Variants in AHCTF1 observed in about 807,000 individuals in gnomAD.
The protein encoded by AHCTF1 is protein ELYS.
A neutral mutation model predicts 248.4 loss-of-function variants in AHCTF1; 24 were observed. The observed-to-expected ratio is 0.10, with a 90% CI of 0.07 to 0.14. The LOEUF (loss-of-function observed/expected upper bound fraction) is 0.14, where lower values mean the gene tolerates loss of function less well. AHCTF1 is among the 10% of genes least tolerant of loss of function. The pLI is 1.00. For missense variants in AHCTF1, 2,206 were observed against 2,636.2 expected (o/e 0.84, Z 3.57); for synonymous variants, 786 against 929.8 (o/e 0.85, Z 2.81).
At chr1:246,851,847 C>G in intron 32 of AHCTF1, 1 of 167,380 alleles carries the variant, frequency 6.0e-6, no homozygotes, top group South Asian at 1.6e-4. Context: ...AATTACCTAA[C>G]TATCCACACT....
chr1:246,897,919 C>T (rs373852389), intron 12 of AHCTF1, among the ~76,000 whole-genome samples: 3,723 of 83,090 alleles, frequency 0.045, 173 homozygotes, highest in African/African-American at 0.16. Flanking sequence ...GTTGAGGCTA[C>T]AGTGAGCCAT....
intron 29 of AHCTF1, among the ~76,000 whole-genome samples, chr1:246,860,178 T>G (rs1418108518): frequency 6.8e-5 from 3 of 44,192 alleles, no homozygotes; most frequent in African/African-American, 5.0e-4. Context: ...AAGAACTGCT[T>G]GAACCTGGTT....
intron 4 of AHCTF1, among the ~76,000 whole-genome samples, chr1:246,910,448 G>A (rs945147144): frequency 6.6e-6 from 1 of 152,162 alleles, no homozygotes; most frequent in African/African-American, 2.4e-5. Context: ...TTATGATTAT[G>A]TAATAAAATA....
At chr1:246,906,484 A>C (rs1665401910) in intron 5 of AHCTF1, among the ~76,000 whole-genome samples, 2 of 152,080 alleles carry the variant, frequency 1.3e-5, no homozygotes, top group South Asian at 2.1e-4. Flanking sequence ...TGGGAGGCTG[A>C]GGCAGGAGAA....
At chr1:246,869,694 A>G (rs1206475022) in intron 24 of AHCTF1, among the ~76,000 whole-genome samples, 3 of 151,942 alleles carry the variant, frequency 2.0e-5, no homozygotes, top group East Asian at 3.9e-4. Context: ...TTTTAAGCCT[A>G]CTGTTGAGAA....
intron 29 of AHCTF1, among the ~76,000 whole-genome samples, chr1:246,860,655 C>T (rs1000507823): frequency 1.3e-5 from 2 of 152,144 alleles, no homozygotes; most frequent in African/African-American, 4.8e-5. Flanking sequence ...AACACTCCCA[C>T]CATGCCTGGC....
At chr1:246,871,592 C>CT (rs1289728675) in intron 24 of AHCTF1, among the ~76,000 whole-genome samples, 1 of 152,170 alleles carries the variant, frequency 6.6e-6, no homozygotes, top group Non-Finnish European at 1.5e-5. Flanking sequence ...GTTAAAGAGG[C>CT]TAACAGCCTA....
At chr1:246,880,030 G>C (rs1663278242) in intron 21 of AHCTF1, among the ~76,000 whole-genome samples, 1 of 151,948 alleles carries the variant, frequency 6.6e-6, no homozygotes, top group Non-Finnish European at 1.5e-5. Context: ...TTGTTAAAAG[G>C]GTTTAGTGGG....
At chr1:246,861,822 T>C (rs1661574944) in intron 28 of AHCTF1, 137 bp downstream of exon 28, 6 of 776,000 alleles carry the variant, frequency 7.7e-6, no homozygotes, top group Non-Finnish European at 1.0e-5. Context: ...CCTTTTCTTA[T>C]TTCATTACTA....
intron 1 of AHCTF1, among the ~76,000 whole-genome samples, chr1:246,927,500 ATAT>A: frequency 6.6e-6 from 1 of 152,230 alleles, no homozygotes; most frequent in East Asian, 1.9e-4. Context: ...AAGAAAAACT[ATAT>A]TATTAGAAAG....
intron 8 of AHCTF1, among the ~76,000 whole-genome samples, chr1:246,901,978 T>G (rs1779965): frequency 0.043 from 6,579 of 152,336 alleles, 486 homozygotes; most frequent in African/African-American, 0.15. Context: ...AAGTTCGCTG[T>G]GTGATTTAAT....
At chr1:246,845,510 A>G (rs1660193008) in intron 33 of AHCTF1, among the ~76,000 whole-genome samples, 1 of 152,258 alleles carries the variant, frequency 6.6e-6, no homozygotes, top group Admixed American at 6.5e-5. Flanking sequence ...AAGTATTTCT[A>G]CGAAAATTAT....
At chr1:246,896,499 G>A (rs546544557) in intron 12 of AHCTF1, among the ~76,000 whole-genome samples, 1 of 152,216 alleles carries the variant, frequency 6.6e-6, no homozygotes, top group African/African-American at 2.4e-5. Flanking sequence ...GTCTAGAATA[G>A]GTCAATCTAT....
chr1:246,860,259 C>T (rs752725201), intron 29 of AHCTF1, among the ~76,000 whole-genome samples: 1 of 152,084 alleles, frequency 6.6e-6, no homozygotes, highest in Non-Finnish European at 1.5e-5. Context: ...CAGAGTGAGA[C>T]TCTGTCTCAA....
rs1661577589 is a variant in AHCTF1 at position 246,861,858 on chromosome 1, AT to A, written c.3735+100del. On this transcript the variant is annotated intron_variant, in intron 28 of 35. Coordinates refer to ENST00000648844, the MANE Select transcript of AHCTF1 (RefSeq NM_001323342.2). The stretch of plus-strand genomic sequence containing the variant: ...GCTACAAGATTATATACAAAAATCT[AT>A]AGTGGTATTTAAAAACTTGATTTAT... 1.4e-5 allele frequency: 13 copies of A among 959,398 alleles called. 1 individual carries two copies. In the South Asian group the frequency reaches 1.9e-4, roughly 14 times the overall value. 59.4% of individuals were successfully genotyped at this position (959,398 alleles called of 1,614,324 possible).
Position 246,855,787 on chromosome 1 carries a change from C to G in AHCTF1, c.4297G>C (p.Glu1433Gln). The stretch of plus-strand genomic sequence containing the variant: ...TAGGTTTCAACAGATGTTAATCCTT[C>G]GTCCAACACTGGTACCTTGGACTTC... ...TQKSKVPVLD[E>Q]GLTSVETYTP... is the part of the protein sequence containing the mutation. Residue 1433 changes from glutamate (E) to glutamine (Q), a missense_variant, in exon 31 of 36, where the codon GAA (glutamate) becomes CAA (glutamine). Physicochemically the swap from Glu to Gln is conservative, Grantham distance 29 (BLOSUM62 2). This residue lies in a region of AHCTF1 where 955 missense variants were observed against 1,055.6 expected (regional missense o/e 0.90). Transcript: ENST00000648844. 1 of 1,613,356 alleles carries G rather than the reference C, an allele frequency of 6.2e-7. No homozygotes were observed. The highest frequency in any genetic ancestry group is 8.5e-7 in the Non-Finnish European group (1 of 1,179,652).
At chr1:246,908,996 A>C (rs1184793416) in intron 4 of AHCTF1, among the ~76,000 whole-genome samples, 2 of 151,722 alleles carry the variant, frequency 1.3e-5, no homozygotes, top group Non-Finnish European at 2.9e-5. Flanking sequence ...CATTATTTAC[A>C]GTTTCACTCT....
At chr1:246,894,380 G>A (rs1418996736) in intron 14 of AHCTF1, among the ~76,000 whole-genome samples, 2 of 152,076 alleles carry the variant, frequency 1.3e-5, no homozygotes, top group African/African-American at 4.8e-5. Flanking sequence ...AGACCATCCT[G>A]GCTAACACGG....
chr1:246,928,302 CAAA>C (rs35687457), intron 1 of AHCTF1, among the ~76,000 whole-genome samples: 11 of 94,212 alleles, frequency 1.2e-4, no homozygotes, highest in Admixed American at 4.5e-4. Flanking sequence ...GACTCCGTCT[CAAA>C]AAAAAAAAAA....
Sources: gnomAD v4.1 joint callset for allele counts (sites outside exome capture counted in the v4.1 genomes callset) on GRCh38, gnomAD v4.1.1 for gene constraint, gnomAD v4.1.1 regional missense constraint, MANE v1.5 for transcripts, NCBI Gene and HGNC (gene_info 2026-07-23, HGNC 2026-07-21) for gene names.